Variants in ETV6 observed in about 807,000 individuals in gnomAD.
The protein encoded by ETV6 is ETS variant transcription factor 6, also known as transcription factor ETV6.
Under a neutral mutation model 51.1 loss-of-function variants are expected in ETV6, and 16 were observed. That is an observed-to-expected ratio of 0.31 (90% CI 0.21 to 0.48). The LOEUF (loss-of-function observed/expected upper bound fraction) is 0.48, where lower values mean the gene tolerates loss of function less well. ETV6 is among the 20% of genes least tolerant of loss of function. The probability of loss-of-function intolerance (pLI) is 0.99; values close to 1 mark genes in which losing one functional copy is unlikely to be tolerated. For missense variants in ETV6, 458 were observed against 594.8 expected (o/e 0.77, Z 2.39); for synonymous variants, 240 against 224.1 (o/e 1.07, Z -0.64).
intron 3 of ETV6, among the ~76,000 whole-genome samples, chr12:11,851,583 A>G (rs1187285327): frequency 6.6e-6 from 1 of 152,210 alleles, no homozygotes; most frequent in Non-Finnish European, 1.5e-5. Flanking sequence ...TCTGCCTTAT[A>G]CATAGCAGTT....
chr12:11,772,242 C>T (rs570561032), intron 2 of ETV6, among the ~76,000 whole-genome samples: 1 of 152,270 alleles, frequency 6.6e-6, no homozygotes, highest in East Asian at 1.9e-4. Flanking sequence ...ACCTTGGTTG[C>T]AAAAGGTTAT....
intron 2 of ETV6, among the ~76,000 whole-genome samples, chr12:11,794,152 C>G (rs534833306): frequency 1.3e-5 from 2 of 152,282 alleles, no homozygotes; most frequent in South Asian, 4.1e-4. Flanking sequence ...AGCAGTAAAG[C>G]CCAGTCGATC....
At chr12:11,859,727 T>C (rs1946685937) in intron 4 of ETV6, among the ~76,000 whole-genome samples, 1 of 152,104 alleles carries the variant, frequency 6.6e-6, no homozygotes, top group African/African-American at 2.4e-5. Flanking sequence ...CAAAATACAT[T>C]TTCATAAATA....
At chr12:11,681,503 T>C (rs144906292) in intron 1 of ETV6, among the ~76,000 whole-genome samples, 212 of 152,266 alleles carry the variant, frequency 1.4e-3, no homozygotes, top group African/African-American at 4.8e-3. Flanking sequence ...TTAAGGTCTT[T>C]CAGACCACAA....
chr12:11,887,231 T>C (rs1947205022), intron 7 of ETV6, among the ~76,000 whole-genome samples: 1 of 152,224 alleles, frequency 6.6e-6, no homozygotes, highest in Non-Finnish European at 1.5e-5. Flanking sequence ...TGGCTCCCTT[T>C]CTTCCCACTC....
At chr12:11,688,905 C>G (rs1565486885) in intron 1 of ETV6, among the ~76,000 whole-genome samples, 1 of 151,900 alleles carries the variant, frequency 6.6e-6, no homozygotes, top group Non-Finnish European at 1.5e-5. Flanking sequence ...GATTTAAATA[C>G]AGGCTCCAAA....
intron 1 of ETV6, among the ~76,000 whole-genome samples, chr12:11,658,388 A>G (rs1864041331): frequency 6.6e-6 from 1 of 152,118 alleles, no homozygotes; most frequent in Non-Finnish European, 1.5e-5. Flanking sequence ...GCTGTGCACC[A>G]CTCACCTGGC....
chr12:11,774,896 G>A (rs1453106065), intron 2 of ETV6, among the ~76,000 whole-genome samples: 7 of 152,196 alleles, frequency 4.6e-5, no homozygotes, highest in Non-Finnish European at 8.8e-5. Flanking sequence ...GCAGCAGAGG[G>A]ACCGTAGCCC....
chr12:11,853,614 GT>G, intron 4 of ETV6, 53 bp downstream of exon 4: 1 of 1,593,134 alleles, frequency 6.3e-7, no homozygotes, highest in South Asian at 1.1e-5. Context: ...AATCCAGGAA[GT>G]TTAATTGTTA....
chr12:11,664,159 G>A (rs755276060), intron 1 of ETV6, among the ~76,000 whole-genome samples: 8 of 152,092 alleles, frequency 5.3e-5, no homozygotes, highest in Non-Finnish European at 7.4e-5. Context: ...ACATCAGTCC[G>A]TGCCAGTTTC....
At position 11,686,679 on chromosome 12, in the gene ETV6, C is replaced by T. The variant is rs935613290; in HGVS notation, c.33+36519C>T. 2.3e-4 allele frequency among the ~76,000 whole-genome samples: 35 copies of T among 152,192 alleles called. No individual in the cohort carries two copies. In the Middle Eastern group the frequency reaches 0.01, roughly 44 times the overall value. ...AATATATGGGACTACAGGCATGTGC[C>T]GCCACACCTGGCTGATTTTTGTATT... On this transcript the variant is annotated intron_variant, in intron 1 of 7. Transcript: ENST00000396373.
At chr12:11,748,720 T>G (rs1323269343) in intron 1 of ETV6, among the ~76,000 whole-genome samples, 3 of 152,100 alleles carry the variant, frequency 2.0e-5, no homozygotes, top group African/African-American at 7.2e-5. Flanking sequence ...TACACCTATT[T>G]TACAGGGAAG....
chr12:11,778,218 C>T (rs1447727338), intron 2 of ETV6, among the ~76,000 whole-genome samples: 1 of 152,220 alleles, frequency 6.6e-6, no homozygotes. Flanking sequence ...ACAAGAGTTA[C>T]TGCTTATGAA....
In ETV6 at chr12:11,869,009, G is replaced by C. The variant is rs1032892699; in HGVS notation, c.464-415G>C. ...CCCAGCACTTTGGGAGGCTGAGGCA[G>C]GCAGAGCACGAGGTCAGGAGACCCA... is the stretch of plus-strand genomic sequence containing the variant. On this transcript the variant is annotated intron_variant, in intron 4 of 7. Coordinates refer to ENST00000396373, the MANE Select transcript of ETV6 (RefSeq NM_001987.5). The surrounding 1 kb of genome is among the most constrained non-coding windows in gnomAD (Gnocchi z 5.0). Among the ~76,000 whole-genome samples, 2 of 152,144 alleles carry C rather than the reference G, an allele frequency of 1.3e-5. No individual in the cohort carries two copies. Among genetic ancestry groups the C allele is most frequent in the African/African-American group, 4.8e-5 (2 of 41,426 alleles).
rs929707747 is a variant in ETV6, at chr12:11,736,974, A to G, written c.34-15476A>G. On this transcript the variant is annotated intron_variant, in intron 1 of 7. Transcript: ENST00000396373. The stretch of plus-strand genomic sequence containing the variant: ...AGTTGTAAGGGATATGGCAGTGAAC[A>G]AGGCAGACAAGGTCCCTGTGCCTGC... Among the ~76,000 whole-genome samples, 3 of 152,206 alleles carry G rather than the reference A, an allele frequency of 2.0e-5. No individual in the cohort carries two copies. The South Asian group carries it at 6.2e-4, about 32-fold the overall frequency.
chr12:11,810,206 G>A (rs1036519223), intron 2 of ETV6, among the ~76,000 whole-genome samples: 6 of 152,084 alleles, frequency 3.9e-5, no homozygotes, highest in South Asian at 2.1e-4. Flanking sequence ...AATCCCTGTC[G>A]TGTCCTAGAG....
chr12:11,839,269 C>G lies in ETV6; in HGVS notation c.293C>G (p.Thr98Ser), dbSNP rs776026236. The part of the protein sequence containing the change: ...EMNGKALLLL[T>S]KEDFRYRSPH... ...AATGGCAAAGCTCTCCTGCTGCTGACCAAAGAGGACTTTCGCTATCGATCT... is the reference window on the plus strand; with the variant it reads ...AATGGCAAAGCTCTCCTGCTGCTGAGCAAAGAGGACTTTCGCTATCGATCT... The change falls in exon 3 of 8, where the codon ACC (threonine) becomes AGC (serine). Residue 98 changes from threonine (T) to serine (S), a missense_variant. Around this residue, in one of 4 missense-constraint regions of ETV6, gnomAD observed 26 missense variants for 52.1 expected, o/e 0.50. Transcript: ENST00000396373. 3.1e-6 allele frequency: 5 copies of G among 1,614,000 alleles called. No homozygotes were observed. In the Admixed American group the frequency reaches 5.0e-5, roughly 16 times the overall value.
chr12:11,824,689 T>C (rs1481454565), intron 2 of ETV6, among the ~76,000 whole-genome samples: 1 of 151,894 alleles, frequency 6.6e-6, no homozygotes, highest in African/African-American at 2.4e-5. Flanking sequence ...TGAGGCAGGA[T>C]TGAACCCTGG....
At chr12:11,744,667 A>G (rs1353038387) in intron 1 of ETV6, among the ~76,000 whole-genome samples, 1 of 152,176 alleles carries the variant, frequency 6.6e-6, no homozygotes. Context: ...AGCAAAGGCA[A>G]TCCTCTATAT....
Sources: gnomAD v4.1 joint callset for allele counts (sites outside exome capture counted in the v4.1 genomes callset) on GRCh38, gnomAD v4.1.1 for gene constraint, gnomAD v4.1.1 regional missense constraint, Gnocchi (gnomAD v3.1) non-coding constraint, MANE v1.5 for transcripts, NCBI Gene and HGNC (gene_info 2026-07-23, HGNC 2026-07-21) for gene names.